The following DEFB130B variants were observed in gnomAD, a reference collection of about 807,000 sequenced individuals.
DEFB130B encodes the protein beta-defensin 130B.
rs1269188798 is a variant in DEFB130B, at chr8:12,070,247, C to G, written c.58+1443G>C. 3.4e-4 allele frequency among the ~76,000 whole-genome samples: 2 copies of G among 5,918 alleles called. 1 individual carries two copies. Among genetic ancestry groups the G allele is most frequent in the African/African-American group, 3.7e-4 (2 of 5,386 alleles). The allele number at this position is 5,918 out of a possible 152,430, so 3.9% of individuals were successfully genotyped here. ...TATTATTAAAAAGTTAAAAAAATAACAGAAACGCAGATGAGGCTGTGGAGA... is the reference window on the plus strand; with the variant it reads ...TATTATTAAAAAGTTAAAAAAATAAGAGAAACGCAGATGAGGCTGTGGAGA... On this transcript the variant is annotated intron_variant, in intron 1 of 1. Coordinates refer to ENST00000437818, the MANE Select transcript of DEFB130B (RefSeq NM_001195257.1).
intron 1 of DEFB130B, among the ~76,000 whole-genome samples, chr8:12,067,068 G>A (rs1403228456): frequency 1.3e-4 from 2 of 15,898 alleles, no homozygotes; most frequent in African/African-American, 2.3e-4. Context: ...GTCCAATGTC[G>A]TGTATTTAGA....
intron 1 of DEFB130B, among the ~76,000 whole-genome samples, chr8:12,065,098 C>G (rs1585130160): frequency 1.7e-5 from 2 of 119,816 alleles, no homozygotes; most frequent in Admixed American, 1.7e-4. Flanking sequence ...AAACTAATTT[C>G]CTCATTTCAG....
chr8:12,069,478 A>G (rs1428058614), intron 1 of DEFB130B, among the ~76,000 whole-genome samples: 1 of 137,542 alleles, frequency 7.3e-6, no homozygotes, highest in East Asian at 2.0e-4. Context: ...CACTGGAGGC[A>G]TCATCCTACT....
In DEFB130B at chr8:12,065,299, C is replaced by G. The variant is rs796776557; in HGVS notation, c.59-729G>C. Among the ~76,000 whole-genome samples, 2 of 31,206 alleles carry G rather than the reference C, an allele frequency of 6.4e-5. 1 individual carries two copies. The highest frequency in any genetic ancestry group is 4.1e-3 in the South Asian group (2 of 492). The allele number at this position is 31,206 out of a possible 152,430, so 20.5% of individuals were successfully genotyped here. A position where few individuals can be genotyped will look rare whatever the true frequency, so the allele number is the denominator to read the frequency against. ...CTTAATTCATCTGGTTGTGGAGAAGCATATGGCTAAGGGTGTGCTCTAATT... is the reference window on the plus strand; with the variant it reads ...CTTAATTCATCTGGTTGTGGAGAAGGATATGGCTAAGGGTGTGCTCTAATT... On this transcript the variant is annotated intron_variant, in intron 1 of 1. Transcript: ENST00000437818.
At chr8:12,065,183 T>A (rs1247291278) in intron 1 of DEFB130B, among the ~76,000 whole-genome samples, 1 of 33,840 alleles carries the variant, frequency 3.0e-5, no homozygotes, top group Non-Finnish European at 9.1e-5. Context: ...GATAGATAGA[T>A]AGATAGATAG....
In DEFB130B at chr8:12,069,532, T is replaced by G. The variant is rs1389941269; in HGVS notation, c.58+2158A>C. On this transcript the variant is annotated intron_variant, in intron 1 of 1. Coordinates refer to ENST00000437818, the MANE Select transcript of DEFB130B (RefSeq NM_001195257.1). ...TAAGGCCACAGTAACTAAAATGGCA[T>G]GGGACTGGTACAAAAGCAGACACAT... Among the ~76,000 whole-genome samples, 2 of 137,478 alleles carry G rather than the reference T, an allele frequency of 1.5e-5. 1 individual carries two copies. The allele number at this position is 137,478 out of a possible 152,430, so 90.2% of individuals were successfully genotyped here. A position where few individuals can be genotyped will look rare whatever the true frequency, so the allele number is the denominator to read the frequency against.
Position 12,066,992 on chromosome 8 carries a change from A to C in DEFB130B, c.59-2422T>G, listed in dbSNP as rs565877219. ...ACAGGATCTGCCTGGAACTTTATCAATCAAAAAATAGAAGTGCAGTTTCCT... is the reference window on the plus strand; with the variant it reads ...ACAGGATCTGCCTGGAACTTTATCACTCAAAAAATAGAAGTGCAGTTTCCT... On this transcript the variant is annotated intron_variant, in intron 1 of 1. Transcript: ENST00000437818. Among the ~76,000 whole-genome samples, 5 of 107,320 alleles carry C rather than the reference A, an allele frequency of 4.7e-5. 1 individual carries two copies. The East Asian group carries it at 1.1e-3, about 23-fold the overall frequency. The allele number at this position is 107,320 out of a possible 152,430, so 70.4% of individuals were successfully genotyped here.
Position 12,066,882 on chromosome 8 carries a change from T to C in DEFB130B, c.59-2312A>G, listed in dbSNP as rs1206279176. On this transcript the variant is annotated intron_variant, in intron 1 of 1. Transcript: ENST00000437818. ...CGCATTCATCTACTTTCTAAAAGGA[T>C]ATAACTTTCTTAGCATTAGAACTCA... Among the ~76,000 whole-genome samples the C allele has an allele frequency of 2.6e-5, 3 of 117,000 alleles. 1 individual carries two copies. The highest frequency in any genetic ancestry group is 5.9e-5 in the African/African-American group (2 of 33,668). 76.8% of individuals were successfully genotyped at this position (117,000 alleles called of 152,430 possible). A position where few individuals can be genotyped will look rare whatever the true frequency, so the allele number is the denominator to read the frequency against.
At chr8:12,069,471 T>A (rs1411358272) in intron 1 of DEFB130B, among the ~76,000 whole-genome samples, 1 of 137,032 alleles carries the variant, frequency 7.3e-6, no homozygotes, top group African/African-American at 2.5e-5. Context: ...AGAGCAACAC[T>A]GGAGGCATCA....
At chr8:12,067,061 C>A (rs1365811969) in intron 1 of DEFB130B, among the ~76,000 whole-genome samples, 1 of 22,182 alleles carries the variant, frequency 4.5e-5, no homozygotes. Flanking sequence ...TGCTCCTGTC[C>A]AATGTCGTGT....
intron 1 of DEFB130B, among the ~76,000 whole-genome samples, chr8:12,066,863 C>A (rs1238794244): frequency 1.9e-5 from 2 of 107,000 alleles, no homozygotes; most frequent in Non-Finnish European, 4.3e-5. Context: ...ATAGCGCATT[C>A]ATCTACTTTC....
chr8:12,069,555 C>T lies in DEFB130B; in HGVS notation c.58+2135G>A, dbSNP rs545301152. On this transcript the variant is annotated intron_variant, in intron 1 of 1. Coordinates refer to ENST00000437818, the MANE Select transcript of DEFB130B (RefSeq NM_001195257.1). ...CATGGGACTGGTACAAAAGCAGACA[C>T]ATGAACCACTTGAACAGAATAGAGA... Among the ~76,000 whole-genome samples the T allele has an allele frequency of 3.7e-5, 5 of 136,906 alleles. 2 individuals carry two copies. Among genetic ancestry groups the T allele is most frequent in the Non-Finnish European group, 8.5e-5 (5 of 59,114 alleles). The allele number at this position is 136,906 out of a possible 152,430, so 89.8% of individuals were successfully genotyped here.
chr8:12,066,934 T>C (rs1585130748), intron 1 of DEFB130B, among the ~76,000 whole-genome samples: 1 of 126,884 alleles, frequency 7.9e-6, no homozygotes, highest in African/African-American at 2.8e-5. Context: ...TAAGTTTTTT[T>C]TTTTTTTGGA....
rs1280943014 is a variant in DEFB130B, at chr8:12,065,233, G to C, written c.59-663C>G. On this transcript the variant is annotated intron_variant, in intron 1 of 1. Coordinates refer to ENST00000437818, the MANE Select transcript of DEFB130B (RefSeq NM_001195257.1). ...AGACACCTGCAGAGAATTACTCACA[G>C]AGCTAAAAGGTATTTTCCCTTAAGT... 1.9e-4 allele frequency among the ~76,000 whole-genome samples: 6 copies of C among 32,058 alleles called. 3 individuals carry two copies. Among genetic ancestry groups the C allele is most frequent in the African/African-American group, 3.8e-4 (6 of 15,934 alleles). 21.0% of individuals were successfully genotyped at this position (32,058 alleles called of 152,430 possible).
At position 12,065,168 on chromosome 8, in the gene DEFB130B, G is replaced by GATA. The variant is rs1801752043; in HGVS notation, c.59-599_59-598insTAT. Among the ~76,000 whole-genome samples, 2 of 29,406 alleles carry GATA rather than the reference G, an allele frequency of 6.8e-5. 1 individual carries two copies. The highest frequency in any genetic ancestry group is 1.4e-4 in the African/African-American group (2 of 13,888). The allele number at this position is 29,406 out of a possible 152,430, so 19.3% of individuals were successfully genotyped here. On this transcript the variant is annotated intron_variant, in intron 1 of 1. Transcript: ENST00000437818. ...ATACCTCATAGATAGATGGAGGAAT[G>GATA]GATAGATAGATAGATAGATAGATAG...
rs527920614 is a variant in DEFB130B, at chr8:12,065,084, A to T, written c.59-514T>A. 5.5e-4 allele frequency among the ~76,000 whole-genome samples: 66 copies of T among 119,606 alleles called. 2 individuals carry two copies. Among genetic ancestry groups the T allele is most frequent in the Middle Eastern group, 4.2e-3 (1 of 238 alleles). The allele number at this position is 119,606 out of a possible 152,430, so 78.5% of individuals were successfully genotyped here. Reference sequence around the variant, plus strand: ...AAAGCCTATCAATCCTTGAGATTTTATCTAAACTAATTTCCTCATTTCAGA... The same window carrying T: ...AAAGCCTATCAATCCTTGAGATTTTTTCTAAACTAATTTCCTCATTTCAGA... On this transcript the variant is annotated intron_variant, in intron 1 of 1. Coordinates refer to ENST00000437818, the MANE Select transcript of DEFB130B (RefSeq NM_001195257.1).
intron 1 of DEFB130B, among the ~76,000 whole-genome samples, chr8:12,066,955 G>A (rs1314523351): frequency 1.6e-5 from 2 of 122,408 alleles, no homozygotes; most frequent in African/African-American, 5.7e-5. Context: ...TGATGTAGAG[G>A]ATTTAAATGG....
chr8:12,065,125 C>T (rs1389491503), intron 1 of DEFB130B, among the ~76,000 whole-genome samples: 1 of 115,392 alleles, frequency 8.7e-6, no homozygotes, highest in Non-Finnish European at 2.0e-5. Context: ...GTAAGAAATA[C>T]CTTTCCTATG....
At position 12,066,898 on chromosome 8, in the gene DEFB130B, T is replaced by G. The variant is rs565268995; in HGVS notation, c.59-2328A>C. Reference sequence around the variant, plus strand: ...CTAAAAGGATATAACTTTCTTAGCATTAGAACTCATTGAGTCAGTAACTTT... The same window carrying G: ...CTAAAAGGATATAACTTTCTTAGCAGTAGAACTCATTGAGTCAGTAACTTT... On this transcript the variant is annotated intron_variant, in intron 1 of 1. Coordinates refer to ENST00000437818, the MANE Select transcript of DEFB130B (RefSeq NM_001195257.1). Among the ~76,000 whole-genome samples the G allele has an allele frequency of 1.4e-3, 171 of 121,364 alleles. 8 individuals are homozygous for G. In the East Asian group the frequency reaches 0.029, roughly 21 times the overall value. 79.6% of individuals were successfully genotyped at this position (121,364 alleles called of 152,430 possible).
Sources: gnomAD v4.1 joint callset for allele counts (sites outside exome capture counted in the v4.1 genomes callset) on GRCh38, gnomAD v4.1.1 for gene constraint, MANE v1.5 for transcripts, NCBI Gene and HGNC (gene_info 2026-07-23, HGNC 2026-07-21) for gene names.